Variants in ATG2B observed in about 807,000 individuals in gnomAD.
ATG2B encodes the protein autophagy related 2B.
In ATG2B, 121 loss-of-function variants were observed where a neutral mutation model predicts 241.3. The observed-to-expected ratio is 0.50, with a 90% CI of 0.43 to 0.58. ATG2B has a LOEUF of 0.58. Ranked by LOEUF, ATG2B falls within the 20% of genes least tolerant of loss-of-function variation. The probability of loss-of-function intolerance (pLI) is 0.00; values close to 1 mark genes in which losing one functional copy is unlikely to be tolerated. For missense variants in ATG2B, 2,306 were observed against 2,491.6 expected (o/e 0.93, Z 1.59); for synonymous variants, 858 against 876.6 (o/e 0.98, Z 0.37).
rs560368756 is a variant in ATG2B, at chr14:96,361,690, G to A, written c.162+1125C>T. Among the ~76,000 whole-genome samples, 5 of 152,038 alleles carry A rather than the reference G, an allele frequency of 3.3e-5. No individual in the cohort carries two copies. The East Asian group carries it at 5.8e-4, about 18-fold the overall frequency. On this transcript the variant is annotated intron_variant, in intron 1 of 41. Transcript: ENST00000359933. Reference sequence around the variant, plus strand: ...TGAATTGCTAAGTCCATTATCACTCGGCTAATTGTGGCGGTCTGGAGAGTC... The same window carrying A: ...TGAATTGCTAAGTCCATTATCACTCAGCTAATTGTGGCGGTCTGGAGAGTC...
chr14:96,294,121 A>T (rs1886564014), intron 36 of ATG2B, among the ~76,000 whole-genome samples: 1 of 152,214 alleles, frequency 6.6e-6, no homozygotes, highest in African/African-American at 2.4e-5. Context: ...ACTATGCAAA[A>T]TATTTAAAAC....
Position 96,303,224 on chromosome 14 carries a change from C to G in ATG2B, c.4874G>C (p.Cys1625Ser). 1 of 1,603,880 alleles carries G rather than the reference C, an allele frequency of 6.2e-7. No homozygotes were observed. Among genetic ancestry groups the G allele is most frequent in the Non-Finnish European group, 8.5e-7 (1 of 1,174,498 alleles). Residue 1625 changes from cysteine (C) to serine (S), a missense_variant, in exon 33 of 42, where the codon TGC becomes TCC. Transcript: ENST00000359933. ...VKFQHEVYPP[C>S]KPDCDSSLSE... ...GAGGCTGGAATCACAATCAGGTTTGCATGGCGGGTAGACTTCATGCTGAAA... is the reference window on the plus strand; with the variant it reads ...GAGGCTGGAATCACAATCAGGTTTGGATGGCGGGTAGACTTCATGCTGAAA...
At chr14:96,333,664 G>C in intron 8 of ATG2B, 24 bp downstream of exon 8, 2 of 1,602,478 alleles carry the variant, frequency 1.2e-6, no homozygotes, top group Non-Finnish European at 1.7e-6. Context: ...TATGATTCTG[G>C]TGTCAACAGT....
Position 96,347,253 on chromosome 14 carries a change from C to T in ATG2B, c.251G>A (p.Gly84Asp). Residue 84 changes from glycine to aspartate, a missense_variant, in exon 2 of 42, where the codon GGC (glycine) becomes GAC (aspartate). Transcript: ENST00000359933. ...IQSISLSVPW[G>D]SLLQDNCALE... ...TGCACAATTATCCTGCAGTAAAGAG[C>T]CCCATGGAACTGACAGGGAAATTGA... 1 of 1,611,844 alleles carries T rather than the reference C, an allele frequency of 6.2e-7. No individual in the cohort carries two copies. Among genetic ancestry groups the T allele is most frequent in the Non-Finnish European group, 8.5e-7 (1 of 1,178,296 alleles).
At chr14:96,338,461 C>T (rs1246215346) in intron 6 of ATG2B, among the ~76,000 whole-genome samples, 1 of 152,038 alleles carries the variant, frequency 6.6e-6, no homozygotes, top group African/African-American at 2.4e-5. Context: ...AGGTAAGTCC[C>T]TTCTGTGCCT....
intron 34 of ATG2B, among the ~76,000 whole-genome samples, chr14:96,300,436 G>T (rs1341503419): frequency 6.6e-6 from 1 of 152,136 alleles, no homozygotes; most frequent in African/African-American, 2.4e-5. Context: ...TGAGGCGGGA[G>T]GATAGTTTGA....
intron 29 of ATG2B, 114 bp downstream of exon 29, chr14:96,309,339 T>C (rs1376347973): frequency 7.9e-7 from 1 of 1,264,694 alleles, no homozygotes; most frequent in South Asian, 1.6e-5. Context: ...TTAACAGATA[T>C]CCATAAAAAC....
Position 96,343,127 on chromosome 14 carries a change from C to T in ATG2B, c.736G>A (p.Ala246Thr), listed in dbSNP as rs1394439466. 6.4e-7 allele frequency: 1 copy of T among 1,568,984 alleles called. No individual in the cohort carries two copies. Among genetic ancestry groups the T allele is most frequent in the Non-Finnish European group, 8.6e-7 (1 of 1,158,194 alleles). Residue 246 changes from alanine (A) to threonine (T), a missense_variant, in exon 5 of 42, where the codon GCA becomes ACA. By Grantham distance (58) the Ala-to-Thr change is moderately conservative (BLOSUM62 0). This residue lies in a region of ATG2B where 1,927 missense variants were observed against 2,011.2 expected (regional missense o/e 0.96). Coordinates refer to ENST00000359933, the MANE Select transcript of ATG2B (RefSeq NM_018036.7). ...TTTTTGTTTTTTCTTACCACTGGTG[C>T]AGTTGAACACACTGGGGAAGATTTG... is the stretch of plus-strand genomic sequence containing the variant. ...SAKSSPVCST[A>T]PVETEPKLSP...
intron 29 of ATG2B, among the ~76,000 whole-genome samples, chr14:96,308,219 AATATAT>A: frequency 1.4e-5 from 1 of 74,036 alleles, no homozygotes; most frequent in Non-Finnish European, 2.8e-5. Flanking sequence ...TAAATACATA[AATATAT>A]ATATACATAT....
intron 23 of ATG2B, among the ~76,000 whole-genome samples, chr14:96,314,579 CT>C (rs1250696312): frequency 7.2e-6 from 1 of 139,258 alleles, no homozygotes; most frequent in Non-Finnish European, 1.7e-5. Flanking sequence ...CCTTCCCTTC[CT>C]TTAATGACAT....
intron 36 of ATG2B, among the ~76,000 whole-genome samples, chr14:96,294,373 A>T (rs981806476): frequency 8.5e-5 from 13 of 152,242 alleles, no homozygotes; most frequent in African/African-American, 2.9e-4. Flanking sequence ...GAAGATGAGA[A>T]GAACAAACAG....
At chr14:96,312,452 A>C (rs996891028) in intron 25 of ATG2B, among the ~76,000 whole-genome samples, 3 of 152,222 alleles carry the variant, frequency 2.0e-5, no homozygotes, top group Non-Finnish European at 2.9e-5. Context: ...TAGTATAAAG[A>C]TAGAGTGGGC....
intron 41 of ATG2B, among the ~76,000 whole-genome samples, chr14:96,287,296 A>T (rs936201872): frequency 6.6e-6 from 1 of 151,758 alleles, no homozygotes; most frequent in Non-Finnish European, 1.5e-5. Context: ...AACTCAAAGA[A>T]ATAATAAGTA....
intron 6 of ATG2B, among the ~76,000 whole-genome samples, chr14:96,340,936 A>AG (rs987582728): frequency 2.6e-5 from 4 of 151,612 alleles, no homozygotes; most frequent in Non-Finnish European, 5.9e-5. Context: ...GAAAAAAAAA[A>AG]AAAAAAAGAA....
At chr14:96,292,004 G>C (rs746184681) in intron 37 of ATG2B, 25 bp downstream of exon 37, 1 of 1,479,586 alleles carries the variant, frequency 6.8e-7, no homozygotes, top group Non-Finnish European at 9.2e-7. Flanking sequence ...TAATTTTGTG[G>C]AGTATATTTG....
At chr14:96,331,738 T>C in intron 10 of ATG2B, 101 bp from the exon 11 acceptor site, 1 of 934,526 alleles carries the variant, frequency 1.1e-6, no homozygotes, top group Admixed American at 2.9e-5. Flanking sequence ...AAACAGATGA[T>C]CATACAACAG....
chr14:96,317,926 C>G (rs1036490685), intron 18 of ATG2B, 71 bp from the exon 19 acceptor site: 12 of 1,172,488 alleles, frequency 1.0e-5, no homozygotes, highest in African/African-American at 4.6e-5. Context: ...AAAAAAAAAT[C>G]CTTTTAAAAG....
chr14:96,322,236 G>A lies in ATG2B; in HGVS notation c.2755C>T (p.Pro919Ser). 1 of 1,593,144 alleles carries A rather than the reference G, an allele frequency of 6.3e-7. No individual in the cohort carries two copies. Among genetic ancestry groups the A allele is most frequent in the Non-Finnish European group, 8.5e-7 (1 of 1,173,948 alleles). ...TCCTGAAATTCTGTCATTTCTACAG[G>A]GTCTCCTGGCATCACCATCTAAAAC... is the stretch of plus-strand genomic sequence containing the variant. Reference protein sequence around the residue: ...ENEQMVMPGDPVEMTEFQDKA... With the variant: ...ENEQMVMPGDSVEMTEFQDKA... The change falls in exon 18 of 42, where the codon CCT becomes TCT. Residue 919 changes from proline (P) to serine (S), a missense_variant. By Grantham distance (74) the Pro-to-Ser change is moderately conservative. This residue lies in a region of ATG2B where 1,927 missense variants were observed against 2,011.2 expected (regional missense o/e 0.96). Coordinates refer to ENST00000359933, the MANE Select transcript of ATG2B (RefSeq NM_018036.7).
At position 96,360,960 on chromosome 14, in the gene ATG2B, T is replaced by C. The variant is rs868563154; in HGVS notation, c.162+1855A>G. On this transcript the variant is annotated intron_variant, in intron 1 of 41. Coordinates refer to ENST00000359933, the MANE Select transcript of ATG2B (RefSeq NM_018036.7). ...AAAAAAAAAAAAAAAAAAAATCAAG[T>C]GTGAAAATAAACTGAATTTGGAATC... is the stretch of plus-strand genomic sequence containing the variant. Among the ~76,000 whole-genome samples the C allele has an allele frequency of 1.8e-4, 19 of 103,066 alleles. No homozygotes were observed. The Middle Eastern group carries it at 0.02, about 110-fold the overall frequency. 67.6% of individuals were successfully genotyped at this position (103,066 alleles called of 152,430 possible). A position where few individuals can be genotyped will look rare whatever the true frequency, so the allele number is the denominator to read the frequency against.
Sources: gnomAD v4.1 joint callset for allele counts (sites outside exome capture counted in the v4.1 genomes callset) on GRCh38, gnomAD v4.1.1 for gene constraint, gnomAD v4.1.1 regional missense constraint, MANE v1.5 for transcripts, NCBI Gene and HGNC (gene_info 2026-07-23, HGNC 2026-07-21) for gene names.